ROR1: variants seen among roughly 807,000 people sequenced by gnomAD.
The protein encoded by ROR1 is ROR family WNT receptor 1.
Under a neutral mutation model 78.8 loss-of-function variants are expected in ROR1, and 19 were observed. The observed-to-expected ratio is 0.24, with a 90% CI of 0.17 to 0.35. The LOEUF is 0.35. Among genes scored for constraint, ROR1 ranks in the 10% least tolerant of loss-of-function variants. The pLI, the probability that ROR1 is intolerant of heterozygous loss-of-function variation, is 1.00. For missense variants in ROR1, 917 were observed against 1,177.8 expected, an observed-to-expected ratio of 0.78 and a Z score of 3.24; for synonymous variants, 386 against 433.6, an observed-to-expected ratio of 0.89 and a Z score of 1.36.
At chr1:64,030,264 G>A (rs761181660) in intron 2 of ROR1, among the ~76,000 whole-genome samples, 3 of 152,144 alleles carry the variant, frequency 2.0e-5, no homozygotes, top group Admixed American at 6.5e-5. Flanking sequence ...TGTTGGAAGT[G>A]ATGCCTTACA....
At chr1:63,805,959 C>A (rs1047786593) in intron 1 of ROR1, among the ~76,000 whole-genome samples, 103 of 152,312 alleles carry the variant, frequency 6.8e-4, no homozygotes, top group African/African-American at 2.4e-3. Context: ...TTCAAGGCTG[C>A]AGCCCAATAT....
intron 4 of ROR1, among the ~76,000 whole-genome samples, chr1:64,087,797 C>G (rs1285842402): frequency 6.6e-6 from 1 of 152,192 alleles, no homozygotes; most frequent in African/African-American, 2.4e-5. Flanking sequence ...TTGGAACTTT[C>G]ATCAGTCAGT....
intron 7 of ROR1, among the ~76,000 whole-genome samples, chr1:64,152,290 A>C (rs1362313826): frequency 6.6e-6 from 1 of 152,114 alleles, no homozygotes; most frequent in Non-Finnish European, 1.5e-5. Flanking sequence ...GTCCTCCTAC[A>C]TTTCCTTCCC....
intron 1 of ROR1, among the ~76,000 whole-genome samples, chr1:63,999,333 C>G (rs1167353616): frequency 6.6e-6 from 1 of 152,214 alleles, no homozygotes; most frequent in Non-Finnish European, 1.5e-5. Context: ...CAGGTCTCAG[C>G]TCACTGTTTA....
chr1:63,960,017 TCA>T (rs1415962608), intron 1 of ROR1, among the ~76,000 whole-genome samples: 2 of 152,208 alleles, frequency 1.3e-5, no homozygotes, highest in African/African-American at 4.8e-5. Flanking sequence ...GCTTTTGATG[TCA>T]CAGAGTCCCC....
At chr1:64,109,606 C>T (rs553853461) in intron 4 of ROR1, among the ~76,000 whole-genome samples, 5 of 152,134 alleles carry the variant, frequency 3.3e-5, no homozygotes, top group African/African-American at 9.7e-5. Flanking sequence ...CGGCTCACTG[C>T]GACCTCAACC....
chr1:63,899,477 A>G (rs1645467712), intron 1 of ROR1, among the ~76,000 whole-genome samples: 1 of 152,044 alleles, frequency 6.6e-6, no homozygotes, highest in African/African-American at 2.4e-5. Context: ...TAATATGCCC[A>G]TTTTATAGAT....
chr1:63,995,689 A>G (rs2100526801), intron 1 of ROR1, among the ~76,000 whole-genome samples: 1 of 152,312 alleles, frequency 6.6e-6, no homozygotes, highest in Admixed American at 6.5e-5. Flanking sequence ...TCATCTGTAA[A>G]TGGACATGTA....
intron 1 of ROR1, among the ~76,000 whole-genome samples, chr1:63,916,466 T>C (rs768173327): frequency 1.3e-5 from 2 of 152,208 alleles, no homozygotes; most frequent in Non-Finnish European, 2.9e-5. Context: ...AAGAGCCCCA[T>C]GCTTCACAAA....
chr1:64,077,056 G>C (rs1336995835), intron 4 of ROR1, among the ~76,000 whole-genome samples: 1 of 152,116 alleles, frequency 6.6e-6, no homozygotes, highest in Non-Finnish European at 1.5e-5. Context: ...TCCTCATATG[G>C]CTGTTATAGG....
chr1:64,024,065 T>G (rs1646587918), intron 2 of ROR1, among the ~76,000 whole-genome samples: 1 of 152,208 alleles, frequency 6.6e-6, no homozygotes, highest in Non-Finnish European at 1.5e-5. Flanking sequence ...CTTCACCTTC[T>G]GCCATGATTC....
intron 1 of ROR1, among the ~76,000 whole-genome samples, chr1:63,796,971 T>C (rs994992143): frequency 2.6e-5 from 4 of 152,220 alleles, no homozygotes; most frequent in African/African-American, 9.6e-5. Flanking sequence ...CTTTGATGAA[T>C]TGAATAACAA....
intron 7 of ROR1, among the ~76,000 whole-genome samples, chr1:64,149,971 T>TTC (rs545414496): frequency 2.1e-3 from 313 of 152,136 alleles, no homozygotes; most frequent in African/African-American, 7.1e-3. Context: ...AAGACTTATG[T>TTC]TCTCTCTCTC....
rs1569678621 is a variant in ROR1, at chr1:63,774,435, C to T, written c.18C>T (p.Arg6=). 8.5e-7 allele frequency: 1 copy of T among 1,177,538 alleles called. No individual in the cohort carries two copies. Among genetic ancestry groups the T allele is most frequent in the Non-Finnish European group, 1.0e-6 (1 of 957,952 alleles). The allele number at this position is 1,177,538 out of a possible 1,614,324, so 72.9% of individuals were successfully genotyped here. The change falls in exon 1 of 9, where the codon CGC becomes CGT. Residue 6 remains arginine (R), a synonymous_variant. Transcript: ENST00000371079. This position sits in a 1 kb window ranked among gnomAD's most constrained non-coding sequence, Gnocchi z 5.7. ...GAGGAGGAATGCACCGGCCGCGCCGCCGCGGGACGCGCCCGCCGCTCCTGG... is the reference window on the plus strand; with the variant it reads ...GAGGAGGAATGCACCGGCCGCGCCGTCGCGGGACGCGCCCGCCGCTCCTGG... The part of the protein sequence containing the change: MHRPR[R]RGTRPPLLAL...
chr1:64,013,573 T>A (rs148693354), intron 2 of ROR1, among the ~76,000 whole-genome samples: 1 of 152,150 alleles, frequency 6.6e-6, no homozygotes, highest in African/African-American at 2.4e-5. Context: ...CCTTGAACAT[T>A]CCCTCCTTCC....
intron 6 of ROR1, among the ~76,000 whole-genome samples, chr1:64,141,241 T>G (rs1051107862): frequency 6.6e-6 from 1 of 152,122 alleles, no homozygotes; most frequent in Admixed American, 6.5e-5. Flanking sequence ...ACAGGGTAAT[T>G]GATAAAAAAA....
intron 4 of ROR1, 116 bp downstream of exon 4, chr1:64,050,832 A>G (rs1646822712): frequency 9.9e-7 from 1 of 1,010,776 alleles, no homozygotes; most frequent in South Asian, 1.3e-5. Context: ...ATGTCATTCC[A>G]TTTTGCCCTG....
At chr1:64,115,294 C>T (rs2100680009) in intron 4 of ROR1, among the ~76,000 whole-genome samples, 1 of 152,280 alleles carries the variant, frequency 6.6e-6, no homozygotes, top group African/African-American at 2.4e-5. Flanking sequence ...TAGCTCACTG[C>T]AGCCTTGAAC....
intron 1 of ROR1, among the ~76,000 whole-genome samples, chr1:63,848,999 T>A (rs997430217): frequency 6.6e-6 from 1 of 152,204 alleles, no homozygotes; most frequent in Non-Finnish European, 1.5e-5. Flanking sequence ...GTGGGCGGCA[T>A]CCTGGGGTCT....
Sources: allele counts gnomAD v4.1 joint callset (sites outside exome capture counted in the v4.1 genomes callset), GRCh38; gene constraint gnomAD v4.1.1; non-coding constraint Gnocchi (gnomAD v3.1); transcripts MANE v1.5; gene names NCBI Gene and HGNC (gene_info 2026-07-23, HGNC 2026-07-21).